The following WDPCP variants were observed in gnomAD, a reference collection of about 807,000 sequenced individuals.
The protein encoded by WDPCP is WD repeat containing planar cell polarity effector.
A neutral mutation model predicts 93.1 loss-of-function variants in WDPCP; 71 were observed. The ratio of observed to expected loss-of-function variants is 0.76; its 90% CI spans 0.63 to 0.93. WDPCP has a LOEUF of 0.93. WDPCP is among the 40% of genes least tolerant of loss of function. WDPCP has a pLI of 0.00. For synonymous variants in WDPCP, 315 were observed against 315.0 expected (o/e 1.00, Z 0.00); for missense variants, 844 against 887.4 (o/e 0.95, Z 0.62).
chr2:63,174,964 T>C, intron 14 of WDPCP, 132 bp from the exon 15 acceptor site: 1 of 943,694 alleles, frequency 1.1e-6, no homozygotes, highest in African/African-American at 1.6e-5. Flanking sequence ...AAAATCTTGT[T>C]GTCCTAGTTC....
At chr2:63,424,792 T>G (rs1435845132) in intron 9 of WDPCP, among the ~76,000 whole-genome samples, 1 of 152,164 alleles carries the variant, frequency 6.6e-6, no homozygotes, top group Non-Finnish European at 1.5e-5. Flanking sequence ...GGGTATAGCC[T>G]GTCTGCCAGC....
At chr2:63,801,142 T>C (rs937229806) in intron 2 of WDPCP, among the ~76,000 whole-genome samples, 1 of 152,248 alleles carries the variant, frequency 6.6e-6, no homozygotes, top group African/African-American at 2.4e-5. Flanking sequence ...CTTAGCTGGG[T>C]GGCTGGTTCC....
At chr2:63,451,617 C>G (rs1698254382) in intron 6 of WDPCP, among the ~76,000 whole-genome samples, 2 of 152,238 alleles carry the variant, frequency 1.3e-5, no homozygotes, top group African/African-American at 4.8e-5. Context: ...ATCCTGATAC[C>G]AAAGCCTGGC....
intron 2 of WDPCP, among the ~76,000 whole-genome samples, chr2:63,715,535 A>T (rs1669325316): frequency 1.3e-5 from 2 of 152,222 alleles, no homozygotes; most frequent in South Asian, 4.1e-4. Flanking sequence ...CCCAGTCCTC[A>T]TATTTGTTGA....
chr2:63,223,737 A>AACTT (rs1427781015), intron 14 of WDPCP, among the ~76,000 whole-genome samples: 2 of 152,098 alleles, frequency 1.3e-5, no homozygotes, highest in Non-Finnish European at 1.5e-5. Flanking sequence ...GGGGTTTAAA[A>AACTT]ACTTACATTT....
At chr2:63,658,694 A>AC (rs1403486618) in intron 2 of WDPCP, among the ~76,000 whole-genome samples, 1 of 152,188 alleles carries the variant, frequency 6.6e-6, no homozygotes, top group Non-Finnish European at 1.5e-5. Flanking sequence ...AATAGTTTGC[A>AC]CCCCCAACCT....
intron 12 of WDPCP, among the ~76,000 whole-genome samples, chr2:63,338,563 AAAAAAAATAT>A (rs1165520790): frequency 2.1e-4 from 18 of 86,428 alleles, no homozygotes; most frequent in African/African-American, 3.4e-4. Context: ...AAAAAAAAAA[AAAAAAAATAT>A]ATATATATAT....
intron 2 of WDPCP, among the ~76,000 whole-genome samples, chr2:63,762,842 T>G (rs1447842847): frequency 2.6e-5 from 4 of 152,176 alleles, no homozygotes; most frequent in African/African-American, 9.6e-5. Flanking sequence ...ACATTGCGGA[T>G]TAAGTTTCAA....
At chr2:63,465,429 G>A (rs560007118) in intron 6 of WDPCP, among the ~76,000 whole-genome samples, 1 of 152,156 alleles carries the variant, frequency 6.6e-6, no homozygotes, top group East Asian at 1.9e-4. Flanking sequence ...AGAAGGTTTG[G>A]ATCCCACTTT....
At chr2:63,804,306 A>G (rs1473039576) in intron 2 of WDPCP, among the ~76,000 whole-genome samples, 2 of 147,956 alleles carry the variant, frequency 1.4e-5, no homozygotes, top group Non-Finnish European at 3.0e-5. Context: ...GCTGGAGTGC[A>G]GTGGCACCAT....
At chr2:63,717,456 G>A (rs1274152581) in intron 2 of WDPCP, 1 of 386,370 alleles carries the variant, frequency 2.6e-6, no homozygotes, top group East Asian at 6.7e-5. Context: ...ACTAAAGGTG[G>A]GAAAGAATTA....
At chr2:63,804,538 A>G (rs1412587651) in intron 2 of WDPCP, among the ~76,000 whole-genome samples, 1 of 150,706 alleles carries the variant, frequency 6.6e-6, no homozygotes, top group Admixed American at 6.6e-5. Flanking sequence ...TACAGGTGTG[A>G]GTCACCTCGC....
At chr2:63,451,834 C>T (rs1186274639) in intron 6 of WDPCP, among the ~76,000 whole-genome samples, 8 of 152,094 alleles carry the variant, frequency 5.3e-5, no homozygotes, top group African/African-American at 9.7e-5. Context: ...ACAGAACCAA[C>T]GACAAAAACC....
intron 17 of WDPCP, among the ~76,000 whole-genome samples, chr2:63,148,464 C>T (rs150735547): frequency 1.3e-5 from 2 of 152,078 alleles, no homozygotes; most frequent in African/African-American, 2.4e-5. Context: ...CTCAGTCTCC[C>T]GAGTAGCTGG....
intron 2 of WDPCP, among the ~76,000 whole-genome samples, chr2:63,655,408 A>C (rs1406499240): frequency 1.3e-5 from 2 of 151,090 alleles, no homozygotes; most frequent in African/African-American, 4.9e-5. Flanking sequence ...ATATGTGTAT[A>C]TATATACACA....
rs565806991 is a variant in WDPCP, at chr2:63,383,393, A to G, written c.1436-1299T>C. Among the ~76,000 whole-genome samples, 4 of 152,276 alleles carry G rather than the reference A, an allele frequency of 2.6e-5. No homozygotes were observed. The East Asian group carries it at 7.7e-4, about 29-fold the overall frequency. On this transcript the variant is annotated intron_variant, in intron 10 of 17. Transcript: ENST00000272321. ...AAATAATAAAGCAAAAACTGACAGA[A>G]CTAAAAGGAGAAAAAGCCAGATCTA...
intron 1 of WDPCP, among the ~76,000 whole-genome samples, chr2:63,494,799 A>G (rs1175018468): frequency 6.6e-6 from 1 of 151,994 alleles, no homozygotes; most frequent in East Asian, 1.9e-4. Context: ...GGGCGCCTGT[A>G]GTCCCACCTA....
At position 63,595,361 on chromosome 2, in the gene WDPCP, G is replaced by T. The variant is rs1164085874; in HGVS notation, n.488+55298C>A. ...ATACCAAATAAAAACTATGTGAAAA[G>T]ACTTTCTTGTGTCTAAATGAAATAG... On this transcript the variant is annotated intron_variant and non_coding_transcript_variant, in intron 3 of 4. Coordinates refer to the WDPCP transcript ENST00000467687. The T allele has an allele frequency of 7.9e-6, 8 of 1,017,898 alleles. No individual in the cohort carries two copies. The Admixed American group carries it at 1.2e-4, about 15-fold the overall frequency. The allele number at this position is 1,017,898 out of a possible 1,614,324, so 63.1% of individuals were successfully genotyped here. A position where few individuals can be genotyped will look rare whatever the true frequency, so the allele number is the denominator to read the frequency against.
intron 9 of WDPCP, among the ~76,000 whole-genome samples, chr2:63,429,976 TACACACACACACACACAC>T (rs199517613): frequency 5.7e-4 from 78 of 137,456 alleles, no homozygotes; most frequent in South Asian, 2.8e-3. Context: ...GAAAATGTTA[TACACACACACACACACAC>T]ACACACACAC....
Sources: allele counts gnomAD v4.1 joint callset (sites outside exome capture counted in the v4.1 genomes callset), GRCh38; gene constraint gnomAD v4.1.1; transcripts MANE v1.5; gene names NCBI Gene and HGNC (gene_info 2026-07-23, HGNC 2026-07-21).